Variants in GRIN2C observed in about 807,000 individuals in gnomAD.
The protein encoded by GRIN2C is glutamate ionotropic receptor NMDA type subunit 2C, also known as glutamate receptor ionotropic, NMDA 2C.
GRIN2C carries 64 observed loss-of-function variants against 77.7 expected under a neutral mutation model. That is an observed-to-expected ratio of 0.82 (90% CI 0.67 to 1.01). The LOEUF (loss-of-function observed/expected upper bound fraction) is 1.01. GRIN2C is among the 50% of genes least tolerant of loss of function. The pLI is 0.00. For synonymous variants in GRIN2C, 792 were observed against 643.4 expected (o/e 1.23, Z -3.49); for missense variants, 1,549 against 1,486.0 (o/e 1.04, Z -0.70).
chr17:74,853,552 G>A (rs377057168), intron 2 of GRIN2C: 34 of 152,242 alleles, frequency 2.2e-4, no homozygotes, highest in African/African-American at 7.5e-4. Flanking sequence ...ATGTATGGTG[G>A]TTTTACGTTC....
chr17:74,846,324 C>A lies in GRIN2C; in HGVS notation c.2163-71G>T. On this transcript the variant is annotated intron_variant, in intron 10 of 12. Transcript: ENST00000293190. This position sits in a 1 kb window ranked among gnomAD's most constrained non-coding sequence, Gnocchi z 4.4. ...AGGGGACACCGAAACTGGGGCGTGA[C>A]AGGGGTCTAAACCACATGAGCCTGC... The A allele has an allele frequency of 7.2e-7, 1 of 1,391,662 alleles. No homozygotes were observed. 86.2% of individuals were successfully genotyped at this position (1,391,662 alleles called of 1,614,324 possible). A position where few individuals can be genotyped will look rare whatever the true frequency, so the allele number is the denominator to read the frequency against.
intron 12 of GRIN2C, 142 bp downstream of exon 12, chr17:74,844,134 A>G: frequency 3.5e-6 from 5 of 1,443,278 alleles, no homozygotes; most frequent in Non-Finnish European, 4.5e-6. Flanking sequence ...TAAGCCTCTC[A>G]AAGTGTTGAG....
chr17:74,846,908 G>C lies in GRIN2C; in HGVS notation c.2014C>G (p.Gln672Glu). 6.2e-7 allele frequency: 1 copy of C among 1,608,556 alleles called. No individual in the cohort carries two copies. The highest frequency in any genetic ancestry group is 1.3e-5 in the African/African-American group (1 of 74,952). The change falls in exon 10 of 13, where the codon CAA becomes GAA. Residue 672 changes from glutamine (Q) to glutamate (E), a missense_variant. Coordinates refer to ENST00000293190, the MANE Select transcript of GRIN2C (RefSeq NM_000835.6). This position sits in a 1 kb window ranked among gnomAD's most constrained non-coding sequence, Gnocchi z 4.4. ...AAGCGGAAAGGTGGGTACTGATCTT[G>C]AGGCCGCTGAAACTGCAGGCGGAGG... The part of the protein sequence containing the change: ...GLSDKKFQRP[Q>E]DQYPPFRFGT...
chr17:74,846,184 C>T lies in GRIN2C; in HGVS notation c.2232G>A (p.Lys744=). The part of the protein sequence containing the change: ...NYMAGKDEGC[K]LVTIGSGKVF... ...CCTTGCCAGACCCAATGGTGACCAG[C>T]TTGCAGCCCTCGTCCTTGCCTGCCA... The change falls in exon 11 of 13, where the codon AAG becomes AAA. Residue 744 remains lysine (K), a synonymous_variant. Transcript: ENST00000293190. This position sits in a 1 kb window ranked among gnomAD's most constrained non-coding sequence, Gnocchi z 4.4. The T allele has an allele frequency of 6.2e-7, 1 of 1,614,182 alleles. No individual in the cohort carries two copies. The highest frequency in any genetic ancestry group is 8.5e-7 in the Non-Finnish European group (1 of 1,179,988).
At position 74,852,318 on chromosome 17, in the gene GRIN2C, C is replaced by T; in HGVS notation, c.693G>A (p.Glu231=). The T allele has an allele frequency of 2.8e-6, 4 of 1,452,580 alleles. No individual in the cohort carries two copies. Among genetic ancestry groups the T allele is most frequent in the African/African-American group, 3.0e-5 (2 of 67,124 alleles). The allele number at this position is 1,452,580 out of a possible 1,614,324, so 90.0% of individuals were successfully genotyped here. A position where few individuals can be genotyped will look rare whatever the true frequency, so the allele number is the denominator to read the frequency against. Residue 231 remains glutamate, a synonymous_variant, in exon 3 of 13, where the codon GAG becomes GAA. Transcript: ENST00000293190. Reference sequence around the variant, plus strand: ...CCTCGGCGAAGAGCACCTCGGCCTCCTCGCGCGAGCAGTAGGCCACAAACA... The same window carrying T: ...CCTCGGCGAAGAGCACCTCGGCCTCTTCGCGCGAGCAGTAGGCCACAAACA... ...APVFVAYCSR[E]EAEVLFAEAA...
chr17:74,844,222 T>C (rs2037387891), intron 12 of GRIN2C, 54 bp downstream of exon 12: 4 of 1,601,440 alleles, frequency 2.5e-6, no homozygotes, highest in East Asian at 2.2e-5. Flanking sequence ...CCCGGACTTA[T>C]CTGGGTAGGT....
At chr17:74,844,712 G>A (rs1350097711) in intron 11 of GRIN2C, among the ~76,000 whole-genome samples, 2 of 152,186 alleles carry the variant, frequency 1.3e-5, no homozygotes, top group African/African-American at 4.8e-5. Flanking sequence ...AAGGAAATAG[G>A]AAAGCAGGGT....
intron 2 of GRIN2C, 114 bp from the exon 3 acceptor site, chr17:74,852,725 C>A: frequency 1.9e-6 from 1 of 514,706 alleles, no homozygotes; most frequent in South Asian, 3.4e-5. Flanking sequence ...GCGGATGCTC[C>A]GCATTCCGGG....
At chr17:74,851,738 C>T (rs1173091013) in intron 3 of GRIN2C, 47 bp from the exon 4 acceptor site, 2 of 1,212,550 alleles carry the variant, frequency 1.6e-6, no homozygotes, top group African/African-American at 1.5e-5. Flanking sequence ...GACCAGGCAC[C>T]CCCTGCCTCT....
At position 74,850,193 on chromosome 17, in the gene GRIN2C, G is replaced by A. The variant is rs770382245; in HGVS notation, c.1491+13C>T. ...AGGCAGGGCAGGTGAGGAGGGAGTG[G>A]GGTGGGGCCTACCTCCCCAATCATG... On this transcript the variant is annotated intron_variant, in intron 6 of 12. Coordinates refer to ENST00000293190, the MANE Select transcript of GRIN2C (RefSeq NM_000835.6). This position sits in a 1 kb window ranked among gnomAD's most constrained non-coding sequence, Gnocchi z 5.3. 6.8e-6 allele frequency: 11 copies of A among 1,612,462 alleles called. No individual in the cohort carries two copies. The highest frequency in any genetic ancestry group is 1.6e-4 in the Middle Eastern group (1 of 6,084).
intron 1 of GRIN2C, among the ~76,000 whole-genome samples, chr17:74,855,738 C>T (rs1310848149): frequency 6.6e-6 from 1 of 151,998 alleles, no homozygotes; most frequent in African/African-American, 2.4e-5. Context: ...ACCGGATCTT[C>T]CATCTGTCTC....
At chr17:74,857,735 A>G (rs1394418405) in intron 1 of GRIN2C, among the ~76,000 whole-genome samples, 1 of 152,208 alleles carries the variant, frequency 6.6e-6, no homozygotes, top group African/African-American at 2.4e-5. Flanking sequence ...TGCCCAGTAT[A>G]GGAGCCGCCA....
At position 74,848,239 on chromosome 17, in the gene GRIN2C, C is replaced by T. The variant is rs112325373; in HGVS notation, c.1646-262G>A. 3.3e-3 allele frequency among the ~76,000 whole-genome samples: 498 copies of T among 152,202 alleles called. 3 individuals carry two copies. The highest frequency in any genetic ancestry group is 5.8e-3 in the Non-Finnish European group (393 of 68,000). ...CAAGTCACCCACCCCAAGAAACGTT[C>T]CTTTGACTTCACAACCCCTGCCTGG... On this transcript the variant is annotated intron_variant, in intron 7 of 12. Transcript: ENST00000293190.
At chr17:74,859,913 G>A (rs377011859), upstream of GRIN2C, 9 of 165,146 alleles carry the variant, frequency 5.4e-5, no homozygotes, top group African/African-American at 9.6e-5. The surrounding 1 kb of genome is among the most constrained non-coding windows in gnomAD (Gnocchi z 5.9). Flanking sequence ...CGGCGGCTCC[G>A]GGCGGGGACC....
chr17:74,843,976 C>T (rs902661029), intron 12 of GRIN2C: 6 of 522,006 alleles, frequency 1.1e-5, no homozygotes, highest in Non-Finnish European at 2.0e-5. Flanking sequence ...TTGGCTCAAG[C>T]GATCCTCCCA....
Position 74,854,836 on chromosome 17 carries a change from C to T in GRIN2C, c.257G>A (p.Gly86Asp). ...SLLTQICGLL[G>D]AAHVHGIVFE... ...GACAATGCCGTGGACGTGGGCAGCA[C>T]CCAGGAGGCCGCAGATCTGGGTGAG... is the stretch of plus-strand genomic sequence containing the variant. Residue 86 changes from glycine (G) to aspartate (D), a missense_variant, in exon 2 of 13, where the codon GGT becomes GAT. Gly to Asp is a moderately conservative substitution (Grantham distance 94). Coordinates refer to ENST00000293190, the MANE Select transcript of GRIN2C (RefSeq NM_000835.6). 1 of 1,613,696 alleles carries T rather than the reference C, an allele frequency of 6.2e-7. No individual in the cohort carries two copies. Among genetic ancestry groups the T allele is most frequent in the Non-Finnish European group, 8.5e-7 (1 of 1,179,648 alleles).
rs780634741 is a variant in GRIN2C, at chr17:74,852,114, G to A, written c.897C>T (p.Gly299=). ...CATGCTGGCGCCAGTAGCTGTGGGC[G>A]CCCAGGGCCAGAATGGCCACGCCGT... ...VRDGVAILAL[G]AHSYWRQHGT... The change falls in exon 3 of 13, where the codon GGC becomes GGT. Residue 299 remains glycine (G), a synonymous_variant. Transcript: ENST00000293190. The A allele has an allele frequency of 2.7e-6, 4 of 1,460,504 alleles. No homozygotes were observed. Among genetic ancestry groups the A allele is most frequent in the East Asian group, 2.6e-5 (1 of 37,822 alleles). 90.5% of individuals were successfully genotyped at this position (1,460,504 alleles called of 1,614,324 possible).
At position 74,846,209 on chromosome 17, in the gene GRIN2C, A is replaced by G. The variant is rs899916816; in HGVS notation, c.2207T>C (p.Met736Thr). The G allele has an allele frequency of 6.2e-7, 1 of 1,614,150 alleles. No individual in the cohort carries two copies. Among genetic ancestry groups the G allele is most frequent in the African/African-American group, 1.3e-5 (1 of 75,036 alleles). ...FIYDAAVLNY[M>T]AGKDEGCKLV... ...CTTGCAGCCCTCGTCCTTGCCTGCC[A>G]TGTAGTTGAGGACAGCAGCATCATA... The change falls in exon 11 of 13, where the codon ATG (methionine) becomes ACG (threonine). Residue 736 changes from methionine (M) to threonine (T), a missense_variant. Physicochemically the swap from Met to Thr is moderately conservative, Grantham distance 81. Transcript: ENST00000293190. The surrounding 1 kb of genome is among the most constrained non-coding windows in gnomAD (Gnocchi z 4.4).
chr17:74,852,004 G>C lies in GRIN2C; in HGVS notation c.998+9C>G, dbSNP rs1242206289. On this transcript the variant is annotated intron_variant, in intron 3 of 12. Coordinates refer to ENST00000293190, the MANE Select transcript of GRIN2C (RefSeq NM_000835.6). ...CCTCCCTACCCCTATGCCCCGGGCA[G>C]GTGCCCACCTGTAGAAGGCCTCCCG... The C allele has an allele frequency of 4.1e-6, 6 of 1,466,270 alleles. No individual in the cohort carries two copies. The Admixed American group carries it at 1.3e-4, about 31-fold the overall frequency. 90.8% of individuals were successfully genotyped at this position (1,466,270 alleles called of 1,614,324 possible).
Sources: allele counts gnomAD v4.1 joint callset (sites outside exome capture counted in the v4.1 genomes callset), GRCh38; gene constraint gnomAD v4.1.1; non-coding constraint Gnocchi (gnomAD v3.1); transcripts MANE v1.5; gene names NCBI Gene and HGNC (gene_info 2026-07-23, HGNC 2026-07-21).